INPP5D: variants seen among roughly 807,000 people sequenced by gnomAD.
INPP5D encodes inositol polyphosphate-5-phosphatase D, also known as phosphatidylinositol 3,4,5-trisphosphate 5-phosphatase 1.
A neutral mutation model predicts 122.9 loss-of-function variants in INPP5D; 33 were observed. The ratio of observed to expected loss-of-function variants is 0.27; its 90% confidence interval spans 0.20 to 0.36. The LOEUF is 0.36. INPP5D is among the 10% of genes least tolerant of loss of function. INPP5D has a pLI of 1.00. For synonymous variants in INPP5D, 584 were observed against 576.2 expected, an observed-to-expected ratio of 1.01 and a Z score of -0.19; for missense variants, 1,053 against 1,412.7, an observed-to-expected ratio of 0.75 and a Z score of 4.08.
chr2:233,079,456 A>C, intron 2 of INPP5D, 58 bp downstream of exon 2: 1 of 1,103,330 alleles, frequency 9.1e-7, no homozygotes, highest in South Asian at 1.2e-5. Flanking sequence ...CTGGCAGAGA[A>C]AGGGTGTAAA....
At chr2:233,065,933 C>T (rs1261402347) in intron 1 of INPP5D, among the ~76,000 whole-genome samples, 6 of 149,184 alleles carry the variant, frequency 4.0e-5, no homozygotes, top group Admixed American at 2.6e-4. Flanking sequence ...GTGTGAGCCA[C>T]CGCACCTGGC....
rs1692428101 is a variant in INPP5D, at chr2:233,105,037, G to C, written c.199-17070G>C. Among the ~76,000 whole-genome samples the C allele has an allele frequency of 6.6e-6, 1 of 152,164 alleles. No homozygotes were observed. Among genetic ancestry groups the C allele is most frequent in the African/African-American group, 2.4e-5 (1 of 41,428 alleles). On this transcript the variant is annotated intron_variant, in intron 2 of 26. Coordinates refer to ENST00000445964, the MANE Select transcript of INPP5D (RefSeq NM_001017915.3). The surrounding 1 kb of genome is among the most constrained non-coding windows in gnomAD (Gnocchi z 4.0). ...ACTGGGCTTTTGCACATGTACTCCAGGCCCCCATTGGCTGTCTTGGGTAGG... is the reference window on the plus strand; with the variant it reads ...ACTGGGCTTTTGCACATGTACTCCACGCCCCCATTGGCTGTCTTGGGTAGG...
chr2:233,075,541 G>A (rs774609697), intron 1 of INPP5D, among the ~76,000 whole-genome samples: 1 of 151,872 alleles, frequency 6.6e-6, no homozygotes, highest in Non-Finnish European at 1.5e-5. Context: ...ATACACACAT[G>A]CATGCATGCA....
chr2:233,066,931 T>C (rs138952311), intron 1 of INPP5D, among the ~76,000 whole-genome samples: 8,071 of 152,190 alleles, frequency 0.053, 567 homozygotes, highest in African/African-American at 0.16. Flanking sequence ...GTGCCTCCCA[T>C]CACACCCAGC....
chr2:233,169,643 A>T lies in INPP5D; in HGVS notation c.1652+242A>T, dbSNP rs569538687. 391 of 618,480 alleles carry T rather than the reference A, an allele frequency of 6.3e-4. 1 individual carries two copies. Among genetic ancestry groups the T allele is most frequent in the Non-Finnish European group, 1.0e-3 (370 of 367,676 alleles). 38.3% of individuals were successfully genotyped at this position (618,480 alleles called of 1,614,324 possible). A position where few individuals can be genotyped will look rare whatever the true frequency, so the allele number is the denominator to read the frequency against. ...TTTCCTTGTGTCATTAGCCTGATGGACCGCTAACTAGCACTGTTTCTAAAG... is the reference window on the plus strand; with the variant it reads ...TTTCCTTGTGTCATTAGCCTGATGGTCCGCTAACTAGCACTGTTTCTAAAG... On this transcript the variant is annotated intron_variant, in intron 14 of 26. Coordinates refer to ENST00000445964, the MANE Select transcript of INPP5D (RefSeq NM_001017915.3).
At chr2:233,065,563 TTTTCTTTCTTTCTTTCCTTCTTTCTTTC>T (rs1691190890) in intron 1 of INPP5D, among the ~76,000 whole-genome samples, 1 of 137,228 alleles carries the variant, frequency 7.3e-6, no homozygotes. Context: ...CACCCAGCCT[TTTTCTTTCTTTCTTTCCTTCTTTCTTTC>T]TTTCTTTCTT....
chr2:233,158,537 A>C (rs1694115841), intron 10 of INPP5D, 118 bp downstream of exon 10: 1 of 540,800 alleles, frequency 1.8e-6, no homozygotes, highest in South Asian at 2.5e-5. Flanking sequence ...AGAACAACCC[A>C]TTTCACACCT....
intron 5 of INPP5D, chr2:233,133,939 C>T (rs1337656238): frequency 2.2e-6 from 1 of 456,018 alleles, no homozygotes; most frequent in Admixed American, 2.4e-5. Flanking sequence ...GCACATGCGG[C>T]TCAACAGATA....
chr2:233,190,082 C>T, intron 22 of INPP5D, 145 bp downstream of exon 22: 1 of 1,320,174 alleles, frequency 7.6e-7, no homozygotes, highest in Non-Finnish European at 1.0e-6. Context: ...GTGGGACCGT[C>T]ACCACTAAGT....
Position 233,189,782 on chromosome 2 carries a change from G to C in INPP5D, c.2359-68G>C. 3.8e-6 allele frequency: 6 copies of C among 1,575,742 alleles called. No homozygotes were observed. Among genetic ancestry groups the C allele is most frequent in the Non-Finnish European group, 5.2e-6 (6 of 1,162,100 alleles). ...CACCTTTCGTCATCTTCATCCACTTGTCCACCCACCTGTCCCCTCACCTGT... is the reference window on the plus strand; with the variant it reads ...CACCTTTCGTCATCTTCATCCACTTCTCCACCCACCTGTCCCCTCACCTGT... On this transcript the variant is annotated intron_variant, in intron 21 of 26. Coordinates refer to ENST00000445964, the MANE Select transcript of INPP5D (RefSeq NM_001017915.3). The surrounding 1 kb of genome is among the most constrained non-coding windows in gnomAD (Gnocchi z 5.6).
At chr2:233,083,144 T>G (rs766118218) in intron 2 of INPP5D, among the ~76,000 whole-genome samples, 1 of 152,242 alleles carries the variant, frequency 6.6e-6, no homozygotes, top group Non-Finnish European at 1.5e-5. Flanking sequence ...CGATGTGGCC[T>G]TGGGCAAGGA....
intron 6 of INPP5D, chr2:233,145,925 C>T (rs560044506): frequency 1.0e-4 from 67 of 664,344 alleles, no homozygotes; most frequent in African/African-American, 3.5e-4. Context: ...TGAGAAGCAC[C>T]GGGGGAGAGG....
At chr2:233,155,532 G>T (rs1194598488) in intron 9 of INPP5D, among the ~76,000 whole-genome samples, 1 of 152,084 alleles carries the variant, frequency 6.6e-6, no homozygotes, top group Non-Finnish European at 1.5e-5. Context: ...TGAGGCAGGA[G>T]AATTGCTTGA....
At chr2:233,110,640 G>A (rs1183455768) in intron 2 of INPP5D, among the ~76,000 whole-genome samples, 1 of 152,174 alleles carries the variant, frequency 6.6e-6, no homozygotes, top group African/African-American at 2.4e-5. Flanking sequence ...TGGTTATTTA[G>A]GCCGGGTGCA....
rs759445514 is a variant in INPP5D, at chr2:233,198,142, A to G, written c.2741A>G (p.Asn914Ser). ...GSSITEIINP[N>S]YMGVGPFGPP... is the part of the protein sequence containing the mutation. ...AGCATCACTGAAATCATCAACCCCA[A>G]CTACATGGGAGTGGGGCCCTTTGGG... is the stretch of plus-strand genomic sequence containing the variant. The change falls in exon 25 of 27, where the codon AAC becomes AGC. Residue 914 changes from asparagine (N) to serine (S), a missense_variant. Physicochemically the swap from Asn to Ser is conservative, Grantham distance 46. Transcript: ENST00000445964. 6 of 1,612,968 alleles carry G rather than the reference A, an allele frequency of 3.7e-6. No individual in the cohort carries two copies. The highest frequency in any genetic ancestry group is 1.1e-5 in the South Asian group (1 of 91,070).
At chr2:233,123,503 G>T (rs547177310) in intron 3 of INPP5D, among the ~76,000 whole-genome samples, 1 of 152,160 alleles carries the variant, frequency 6.6e-6, no homozygotes, top group East Asian at 1.9e-4. Context: ...TGAGACTAAG[G>T]GTGCCCTTTA....
At position 233,060,577 on chromosome 2, in the gene INPP5D, C is replaced by T. The variant is rs754639374; in HGVS notation, c.99C>T (p.Ser33=). 29 of 1,614,028 alleles carry T rather than the reference C, an allele frequency of 1.8e-5. No homozygotes were observed. Among genetic ancestry groups the T allele is most frequent in the East Asian group, 1.8e-4 (8 of 44,882 alleles). ...GKDGSFLVRA[S]ESISRAYALC... is the part of the protein sequence containing the mutation. ...ACGGGAGCTTCCTCGTGCGTGCCAG[C>T]GAGTCCATCTCCCGGGCATACGCGC... The change falls in exon 1 of 27, where the codon AGC becomes AGT. Residue 33 remains serine (S), a synonymous_variant. Transcript: ENST00000445964.
At position 233,164,888 on chromosome 2, in the gene INPP5D, A is replaced by G. The variant is rs1694288425; in HGVS notation, c.1555+464A>G. On this transcript the variant is annotated intron_variant, in intron 13 of 26. Coordinates refer to ENST00000445964, the MANE Select transcript of INPP5D (RefSeq NM_001017915.3). The surrounding 1 kb of genome is among the most constrained non-coding windows in gnomAD (Gnocchi z 4.3). ...GAAAGCAGCCATAGGCAACCCAGAAAGCGAATGGGAGTGACTGTGTTACCA... is the reference window on the plus strand; with the variant it reads ...GAAAGCAGCCATAGGCAACCCAGAAGGCGAATGGGAGTGACTGTGTTACCA... Among the ~76,000 whole-genome samples, 1 of 148,530 alleles carries G rather than the reference A, an allele frequency of 6.7e-6. No individual in the cohort carries two copies. The highest frequency in any genetic ancestry group is 2.5e-5 in the African/African-American group (1 of 40,332).
intron 13 of INPP5D, among the ~76,000 whole-genome samples, chr2:233,167,311 C>T (rs564232863): frequency 6.6e-6 from 1 of 151,582 alleles, no homozygotes; most frequent in African/African-American, 2.4e-5. Context: ...GTCAAGGCTA[C>T]AGAAAGCCAT....
Sources: gnomAD v4.1 joint callset for allele counts (sites outside exome capture counted in the v4.1 genomes callset) on GRCh38, gnomAD v4.1.1 for gene constraint, Gnocchi (gnomAD v3.1) non-coding constraint, MANE v1.5 for transcripts, NCBI Gene and HGNC (gene_info 2026-07-23, HGNC 2026-07-21) for gene names.